NR3C2: variants seen among roughly 807,000 people sequenced by gnomAD.
NR3C2 encodes mineralocorticoid receptor.
In NR3C2, 15 loss-of-function variants were observed where a neutral mutation model predicts 86.4. The observed-to-expected ratio is 0.17, with a 90% CI of 0.12 to 0.27. NR3C2 has a LOEUF of 0.27. Ranked by LOEUF, NR3C2 falls within the 10% of genes least tolerant of loss-of-function variation. The pLI, the probability that NR3C2 is intolerant of heterozygous loss-of-function variation, is 1.00. For missense variants in NR3C2, 960 were observed against 1,195.6 expected (o/e 0.80, Z 2.91); for synonymous variants, 458 against 450.5 (o/e 1.02, Z -0.21).
At chr4:148,402,923 A>G (rs1748242005) in intron 2 of NR3C2, among the ~76,000 whole-genome samples, 1 of 152,082 alleles carries the variant, frequency 6.6e-6, no homozygotes, top group Non-Finnish European at 1.5e-5. Flanking sequence ...GATACACAAT[A>G]GTGGTTCCTT....
chr4:148,397,281 C>CTGGGA (rs1270269737), intron 2 of NR3C2, among the ~76,000 whole-genome samples: 27 of 152,242 alleles, frequency 1.8e-4, no homozygotes, highest in Non-Finnish European at 3.7e-4. Context: ...GGATGTAGAC[C>CTGGGA]TGGGTGAGCC....
intron 2 of NR3C2, among the ~76,000 whole-genome samples, chr4:148,380,774 CAAT>C (rs1168185753): frequency 2.0e-5 from 3 of 152,122 alleles, no homozygotes; most frequent in Non-Finnish European, 4.4e-5. Context: ...AGTGCTATAA[CAAT>C]GATGAGTTTT....
intron 4 of NR3C2, among the ~76,000 whole-genome samples, chr4:148,160,196 C>A (rs1412720626): frequency 1.3e-5 from 2 of 152,146 alleles, no homozygotes; most frequent in South Asian, 2.1e-4. Flanking sequence ...TGGGAGACAA[C>A]TCCTTAGATT....
At chr4:148,094,212 C>T (rs757728511) in intron 8 of NR3C2, among the ~76,000 whole-genome samples, 1 of 152,154 alleles carries the variant, frequency 6.6e-6, no homozygotes, top group Non-Finnish European at 1.5e-5. Context: ...ATTCAAAAAA[C>T]AGTGGAAAAT....
chr4:148,111,185 G>A (rs111570312), intron 8 of NR3C2, among the ~76,000 whole-genome samples: 4,184 of 152,244 alleles, frequency 0.027, 188 homozygotes, highest in African/African-American at 0.094. Context: ...AGTTGAACAG[G>A]CACTTCACCA....
intron 3 of NR3C2, among the ~76,000 whole-genome samples, chr4:148,236,570 G>T (rs1738761207): frequency 6.6e-6 from 1 of 151,944 alleles, no homozygotes; most frequent in Non-Finnish European, 1.5e-5. Flanking sequence ...TGAAGGTTTA[G>T]CATACCATAA....
At chr4:148,407,922 C>T (rs529225948) in intron 2 of NR3C2, among the ~76,000 whole-genome samples, 3 of 152,150 alleles carry the variant, frequency 2.0e-5, no homozygotes, top group South Asian at 2.1e-4. Context: ...AAGAAAGTCC[C>T]GATAACCTGT....
chr4:148,210,104 G>A (rs1054065571), intron 3 of NR3C2, among the ~76,000 whole-genome samples: 1 of 152,158 alleles, frequency 6.6e-6, no homozygotes, highest in African/African-American at 2.4e-5. Context: ...CTAGAGGACA[G>A]TCTCTTTTTG....
At chr4:148,428,749 G>A (rs1749666715) in intron 2 of NR3C2, among the ~76,000 whole-genome samples, 1 of 151,902 alleles carries the variant, frequency 6.6e-6, no homozygotes, top group African/African-American at 2.4e-5. Context: ...CTTTACTCCA[G>A]AAAGCCTAGC....
At chr4:148,293,984 TG>T (rs1741919414) in intron 2 of NR3C2, among the ~76,000 whole-genome samples, 1 of 152,166 alleles carries the variant, frequency 6.6e-6, no homozygotes, top group Admixed American at 6.5e-5. Flanking sequence ...AAAGTTGTCT[TG>T]TACTCAAAGC....
At chr4:148,243,171 T>C (rs913032189) in intron 3 of NR3C2, among the ~76,000 whole-genome samples, 4 of 151,996 alleles carry the variant, frequency 2.6e-5, no homozygotes, top group African/African-American at 9.7e-5. Context: ...GCTAGGATTA[T>C]GGGTGTGTGC....
intron 5 of NR3C2, among the ~76,000 whole-genome samples, chr4:148,153,793 T>C (rs1734216185): frequency 6.6e-6 from 1 of 152,142 alleles, no homozygotes; most frequent in Admixed American, 6.6e-5. Context: ...CAGGTGATTA[T>C]TTTTTAGACA....
chr4:148,203,199 T>G (rs1736817971), intron 3 of NR3C2, among the ~76,000 whole-genome samples: 1 of 152,088 alleles, frequency 6.6e-6, no homozygotes, highest in Admixed American at 6.5e-5. Context: ...TGCTGTTCAT[T>G]CAAACATGGG....
At chr4:148,445,048 G>C, upstream of NR3C2, 1 of 966,926 alleles carries the variant, frequency 1.0e-6, no homozygotes, top group South Asian at 4.8e-5. Flanking sequence ...GCGGCACCGC[G>C]TCCGGCCACC....
chr4:148,272,857 C>T (rs1236605408), intron 2 of NR3C2, among the ~76,000 whole-genome samples: 1 of 151,984 alleles, frequency 6.6e-6, no homozygotes, highest in Non-Finnish European at 1.5e-5. Flanking sequence ...GTAAGTAGTT[C>T]CACTGGCATT....
At chr4:148,102,439 T>TC (rs1731579905) in intron 8 of NR3C2, among the ~76,000 whole-genome samples, 1 of 152,048 alleles carries the variant, frequency 6.6e-6, no homozygotes, top group South Asian at 2.1e-4. Flanking sequence ...AAGCTCTTCA[T>TC]CCCCCCTCCC....
Position 148,154,612 on chromosome 4 carries a change from C to T in NR3C2, c.2304G>A (p.Thr768=), listed in dbSNP as rs762876416. 10 of 1,614,026 alleles carry T rather than the reference C, an allele frequency of 6.2e-6. No homozygotes were observed. The highest frequency in any genetic ancestry group is 4.0e-5 in the African/African-American group (3 of 74,890). The change falls in exon 5 of 9, where the codon ACG becomes ACA. Residue 768 remains threonine (T), a synonymous_variant. Transcript: ENST00000358102. ...KPDTAENLLS[T]LNRLAGKQMI... is the part of the protein sequence containing the mutation. ...TCTGTTTGCCTGCTAAGCGGTTGAG[C>T]GTGGAGAGCAGATTTTCGGCTGTAT... is the stretch of plus-strand genomic sequence containing the variant.
chr4:148,291,483 A>T (rs1482170197), intron 2 of NR3C2, among the ~76,000 whole-genome samples: 1 of 152,074 alleles, frequency 6.6e-6, no homozygotes, highest in Non-Finnish European at 1.5e-5. Context: ...GACAATTTGT[A>T]TCTTTTCCTC....
intron 8 of NR3C2, among the ~76,000 whole-genome samples, chr4:148,097,325 G>C (rs533128764): frequency 1.1e-4 from 16 of 152,164 alleles, no homozygotes; most frequent in Non-Finnish European, 1.9e-4. Flanking sequence ...GTCGATCCTC[G>C]ATATCCATGG....
Sources: allele counts gnomAD v4.1 joint callset (sites outside exome capture counted in the v4.1 genomes callset), GRCh38; gene constraint gnomAD v4.1.1; transcripts MANE v1.5; gene names NCBI Gene and HGNC (gene_info 2026-07-23, HGNC 2026-07-21).